The following CEP112 variants were observed in gnomAD, a reference collection of about 807,000 sequenced individuals.
CEP112 encodes the protein centrosomal protein 112, also known as centrosomal protein of 112 kDa.
In CEP112, 127 loss-of-function variants were observed where a neutral mutation model predicts 153.0. The ratio of observed to expected loss-of-function variants is 0.83; its 90% confidence interval spans 0.72 to 0.96. The LOEUF (loss-of-function observed/expected upper bound fraction) is 0.96, where lower values mean the gene tolerates loss of function less well. Ranked by LOEUF, CEP112 falls within the 40% of genes least tolerant of loss-of-function variation. The pLI is 0.00. For missense variants in CEP112, 1,089 were observed against 1,101.2 expected, an observed-to-expected ratio of 0.99 and a Z score of 0.16; for synonymous variants, 358 against 374.4, an observed-to-expected ratio of 0.96 and a Z score of 0.51.
At position 66,176,952 on chromosome 17, in the gene CEP112, C is replaced by T. The variant is rs754679253; in HGVS notation, c.175G>A (p.Gly59Arg). 12 of 1,613,942 alleles carry T rather than the reference C, an allele frequency of 7.4e-6. No individual in the cohort carries two copies. The East Asian group carries it at 2.2e-4, about 30-fold the overall frequency. ...EPSGTGAGIM[G>R]RKNRNLYAKL... Reference sequence around the variant, plus strand: ...GCATACAGGTTCCGATTCTTCCTCCCCATTATTCCTGCACCTGTTCCTGAA... The same window carrying T: ...GCATACAGGTTCCGATTCTTCCTCCTCATTATTCCTGCACCTGTTCCTGAA... The change falls in exon 3 of 27, where the codon GGG (glycine) becomes AGG (arginine). Residue 59 changes from glycine to arginine, a missense_variant. Transcript: ENST00000535342.
At chr17:65,904,804 C>G (rs2060008678) in intron 19 of CEP112, among the ~76,000 whole-genome samples, 1 of 152,096 alleles carries the variant, frequency 6.6e-6, no homozygotes, top group Non-Finnish European at 1.5e-5. Flanking sequence ...TGCCACACAT[C>G]TACAATCATC....
intron 17 of CEP112, among the ~76,000 whole-genome samples, chr17:65,965,382 G>A (rs1197322269): frequency 1.3e-5 from 2 of 151,978 alleles, no homozygotes; most frequent in Non-Finnish European, 2.9e-5. Flanking sequence ...TTCCAGTCCC[G>A]CCATACTGTC....
chr17:66,048,552 A>G (rs927256249), intron 12 of CEP112, among the ~76,000 whole-genome samples: 1 of 152,230 alleles, frequency 6.6e-6, no homozygotes, highest in African/African-American at 2.4e-5. Context: ...TATATAGGCG[A>G]ACCTTCTTGC....
At chr17:66,028,493 C>A (rs1472112060) in intron 14 of CEP112, 88 bp from the exon 15 acceptor site, 2 of 597,104 alleles carry the variant, frequency 3.3e-6, no homozygotes, top group African/African-American at 1.9e-5. Flanking sequence ...GCCTTTTGTA[C>A]CCCTGAAAGT....
At chr17:66,119,936 G>T (rs1299553019) in intron 6 of CEP112, among the ~76,000 whole-genome samples, 2 of 152,106 alleles carry the variant, frequency 1.3e-5, no homozygotes, top group Non-Finnish European at 2.9e-5. Flanking sequence ...GTGTGTAGTG[G>T]TATCTCATCA....
At chr17:65,972,752 G>A (rs2145017439) in intron 17 of CEP112, among the ~76,000 whole-genome samples, 1 of 152,232 alleles carries the variant, frequency 6.6e-6, no homozygotes. Context: ...TAAAAGAAGA[G>A]AAAAAATAAT....
At chr17:65,916,287 G>GTGTGTGTATGTA (rs138734881) in intron 19 of CEP112, among the ~76,000 whole-genome samples, 3,854 of 147,192 alleles carry the variant, frequency 0.026, 84 homozygotes, top group African/African-American at 0.064. Context: ...GTGTGTGTGT[G>GTGTGTGTATGTA]TGTGTATGTG....
At chr17:65,680,314 A>G (rs1176818176) in intron 24 of CEP112, among the ~76,000 whole-genome samples, 1 of 152,212 alleles carries the variant, frequency 6.6e-6, no homozygotes, top group African/African-American at 2.4e-5. Context: ...AAAAGTCTAG[A>G]CAAGAATACA....
At chr17:66,132,865 A>G in intron 4 of CEP112, 102 bp from the exon 5 acceptor site, 2 of 812,312 alleles carry the variant, frequency 2.5e-6, no homozygotes, top group Non-Finnish European at 4.2e-6. Context: ...CTGAGATGAT[A>G]GTTTGTATTA....
chr17:66,067,024 C>A (rs1021286844), intron 9 of CEP112, 147 bp from the exon 10 acceptor site: 1 of 58,096 alleles, frequency 1.7e-5, no homozygotes, highest in Non-Finnish European at 3.0e-5. Context: ...TAAACACACA[C>A]ACACACACAC....
chr17:65,932,257 A>G (rs1007106197), intron 18 of CEP112, among the ~76,000 whole-genome samples: 5 of 152,200 alleles, frequency 3.3e-5, no homozygotes, highest in African/African-American at 1.2e-4. Flanking sequence ...CTAAATATTG[A>G]AAGTGTCCAT....
intron 17 of CEP112, among the ~76,000 whole-genome samples, chr17:65,975,042 G>T (rs1280014903): frequency 6.6e-6 from 1 of 152,014 alleles, no homozygotes; most frequent in African/African-American, 2.4e-5. Flanking sequence ...TATTTCAAAT[G>T]ATTAATAATC....
chr17:65,902,031 T>G, intron 20 of CEP112, 121 bp downstream of exon 20: 2 of 425,684 alleles, frequency 4.7e-6, no homozygotes, highest in South Asian at 4.7e-5. Flanking sequence ...AAAATCACAT[T>G]TATATGTCAG....
At chr17:65,864,120 G>C (rs931822653) in intron 20 of CEP112, among the ~76,000 whole-genome samples, 27 of 135,332 alleles carry the variant, frequency 2.0e-4, no homozygotes, top group African/African-American at 7.0e-4. Context: ...CAGCCTGGGC[G>C]ACAGAGTGAG....
chr17:65,764,698 G>T (rs949431374), intron 21 of CEP112, among the ~76,000 whole-genome samples: 4 of 151,564 alleles, frequency 2.6e-5, no homozygotes, highest in Admixed American at 2.6e-4. Flanking sequence ...GCATATAATT[G>T]GATCTTGATT....
intron 21 of CEP112, among the ~76,000 whole-genome samples, chr17:65,826,949 T>A (rs955850826): frequency 1.3e-5 from 2 of 152,258 alleles, no homozygotes; most frequent in Admixed American, 1.3e-4. Context: ...CAACCCTCAA[T>A]CTGGGTGGGC....
At chr17:65,865,240 C>T (rs1036496015) in intron 20 of CEP112, among the ~76,000 whole-genome samples, 2 of 151,988 alleles carry the variant, frequency 1.3e-5, no homozygotes, top group Non-Finnish European at 2.9e-5. Flanking sequence ...CAGGGTCTTG[C>T]CATGTTGCCC....
chr17:65,676,398 T>C (rs2047237457), intron 24 of CEP112, among the ~76,000 whole-genome samples: 1 of 151,520 alleles, frequency 6.6e-6, no homozygotes, highest in South Asian at 2.1e-4. Flanking sequence ...GAGCAAATCC[T>C]ACCACCCAGA....
chr17:65,936,963 A>G (rs967283873), intron 18 of CEP112, among the ~76,000 whole-genome samples: 3 of 150,762 alleles, frequency 2.0e-5, no homozygotes, highest in Non-Finnish European at 3.0e-5. Context: ...TTGCAGGCGC[A>G]CGTCACCACG....
Sources: allele counts gnomAD v4.1 joint callset (sites outside exome capture counted in the v4.1 genomes callset), GRCh38; gene constraint gnomAD v4.1.1; transcripts MANE v1.5; gene names NCBI Gene and HGNC (gene_info 2026-07-23, HGNC 2026-07-21).